Variants in XKR9 observed in about 807,000 individuals in gnomAD.
XKR9 encodes the protein XK-related protein 9.
XKR9 carries 32 observed loss-of-function variants against 32.0 expected under a neutral mutation model. The ratio of observed to expected loss-of-function variants is 1.00; its 90% CI spans 0.76 to 1.34. The LOEUF (loss-of-function observed/expected upper bound fraction) is 1.34, where lower values mean the gene tolerates loss of function less well. XKR9 is among the 40% of genes most tolerant of loss of function. The pLI is 0.00. For synonymous variants in XKR9, 168 were observed against 143.4 expected, an observed-to-expected ratio of 1.17 and a Z score of -1.22; for missense variants, 546 against 429.7, an observed-to-expected ratio of 1.27 and a Z score of -2.39.
the XKR9 span, among the ~76,000 whole-genome samples, chr8:70,979,606 G>C: frequency 3.9e-5 from 6 of 152,288 alleles, no homozygotes; most frequent in African/African-American, 1.4e-4. Context: ...AGCAAATATT[G>C]TGCCTGATCC....
chr8:70,690,956 G>C (rs985639620), intron 3 of XKR9, among the ~76,000 whole-genome samples: 16 of 152,192 alleles, frequency 1.1e-4, no homozygotes, highest in African/African-American at 3.6e-4. Flanking sequence ...TGGGTCGAAT[G>C]GTAGTTCTTT....
intron 1 of XKR9, among the ~76,000 whole-genome samples, chr8:70,671,905 A>G (rs1357616101): frequency 1.2e-5 from 1 of 85,412 alleles, no homozygotes; most frequent in Non-Finnish European, 3.0e-5. Context: ...AAAAATCACA[A>G]GCATTCTTAT....
At chr8:70,717,051 C>T (rs999180505) in intron 4 of XKR9, among the ~76,000 whole-genome samples, 1 of 152,204 alleles carries the variant, frequency 6.6e-6, no homozygotes, top group Non-Finnish European at 1.5e-5. Context: ...GACTTCATGT[C>T]TCACATTCAG....
At chr8:71,046,930 C>G in the XKR9 span, among the ~76,000 whole-genome samples, 1 of 152,154 alleles carries the variant, frequency 6.6e-6, no homozygotes, top group African/African-American at 2.4e-5. Flanking sequence ...ATAAAGATGA[C>G]ATTTTGGTCC....
At chr8:71,060,174 T>A in the XKR9 span, among the ~76,000 whole-genome samples, 44 of 152,354 alleles carry the variant, frequency 2.9e-4, no homozygotes, top group South Asian at 8.3e-4. Flanking sequence ...CTCCAGTTTT[T>A]CCAAATCTAA....
chr8:70,855,180 G>A, the XKR9 span, among the ~76,000 whole-genome samples: 5 of 152,030 alleles, frequency 3.3e-5, no homozygotes, highest in African/African-American at 7.2e-5. Flanking sequence ...AAACTACTCC[G>A]AGGTAAAGGA....
chr8:70,713,231 A>G (rs953837520), intron 4 of XKR9, among the ~76,000 whole-genome samples: 1 of 152,182 alleles, frequency 6.6e-6, no homozygotes, highest in Non-Finnish European at 1.5e-5. Context: ...AATTATCTAG[A>G]TTGTAGTTTA....
chr8:70,866,534 C>A, the XKR9 span, among the ~76,000 whole-genome samples: 1 of 151,884 alleles, frequency 6.6e-6, no homozygotes, highest in Non-Finnish European at 1.5e-5. Context: ...AGAGCACAGT[C>A]TATTAGAAAG....
the XKR9 span, among the ~76,000 whole-genome samples, chr8:70,923,727 G>A: frequency 6.6e-6 from 1 of 152,256 alleles, no homozygotes; most frequent in African/African-American, 2.4e-5. Flanking sequence ...TCTGGCTAAG[G>A]GGAAGCTGAG....
chr8:70,893,932 C>A, the XKR9 span, among the ~76,000 whole-genome samples: 1 of 151,956 alleles, frequency 6.6e-6, no homozygotes, highest in East Asian at 1.9e-4. Context: ...CTCTCTGTGG[C>A]AGGGTTGAAT....
At chr8:70,786,514 T>G (rs1807690305) in intron 2 of XKR9, among the ~76,000 whole-genome samples, 1 of 152,178 alleles carries the variant, frequency 6.6e-6, no homozygotes, top group Non-Finnish European at 1.5e-5. Context: ...GACCCATTTA[T>G]CATTACATAA....
chr8:70,966,946 G>GT, the XKR9 span, among the ~76,000 whole-genome samples: 1 of 151,446 alleles, frequency 6.6e-6, no homozygotes, highest in Non-Finnish European at 1.5e-5. Context: ...TGTGACCCCA[G>GT]TTTTTTTCTG....
At chr8:70,855,875 C>A in the XKR9 span, among the ~76,000 whole-genome samples, 1 of 152,136 alleles carries the variant, frequency 6.6e-6, no homozygotes, top group Admixed American at 6.6e-5. Flanking sequence ...TCCAGCCAAA[C>A]CAAGCTTCAT....
At chr8:70,691,394 G>C (rs1179569326) in intron 3 of XKR9, among the ~76,000 whole-genome samples, 9 of 152,108 alleles carry the variant, frequency 5.9e-5, no homozygotes, top group Admixed American at 5.9e-4. Flanking sequence ...TTCTTTCGCT[G>C]TACAGAAGCT....
At chr8:70,979,795 G>A in the XKR9 span, among the ~76,000 whole-genome samples, 1,476 of 152,326 alleles carry the variant, frequency 9.7e-3, 23 homozygotes, top group African/African-American at 0.034. Context: ...CTTCAGAGCC[G>A]TCAGATAGGG....
the XKR9 span, among the ~76,000 whole-genome samples, chr8:70,851,052 A>G: frequency 6.6e-6 from 1 of 152,134 alleles, no homozygotes; most frequent in Non-Finnish European, 1.5e-5. Context: ...CAGCCCAAAA[A>G]CTTGTTAAGC....
At chr8:71,013,733 C>T in the XKR9 span, among the ~76,000 whole-genome samples, 1 of 152,104 alleles carries the variant, frequency 6.6e-6, no homozygotes, top group Non-Finnish European at 1.5e-5. Flanking sequence ...GTGACTGCTT[C>T]GGGGGGTTCA....
At chr8:70,994,950 G>A in the XKR9 span, among the ~76,000 whole-genome samples, 1 of 152,132 alleles carries the variant, frequency 6.6e-6, no homozygotes, top group African/African-American at 2.4e-5. Flanking sequence ...GGGAACTAAT[G>A]TAAAATAAAG....
chr8:70,836,999 A>G, the XKR9 span, among the ~76,000 whole-genome samples: 1 of 152,198 alleles, frequency 6.6e-6, no homozygotes, highest in African/African-American at 2.4e-5. Flanking sequence ...CACTACTGCT[A>G]CTTGACCACA....
Sources: allele counts gnomAD v4.1 joint callset (sites outside exome capture counted in the v4.1 genomes callset), GRCh38; gene constraint gnomAD v4.1.1; transcripts MANE v1.5; gene names NCBI Gene and HGNC (gene_info 2026-07-23, HGNC 2026-07-21).